The following CLIP1 variants were observed in gnomAD, a reference collection of about 807,000 sequenced individuals.
CLIP1 encodes the protein CAP-Gly domain-containing linker protein 1.
Under a neutral mutation model 161.6 loss-of-function variants are expected in CLIP1, and 66 were observed. The observed-to-expected ratio is 0.41, with a 90% CI of 0.33 to 0.50. The LOEUF (loss-of-function observed/expected upper bound fraction) is 0.50. Ranked by LOEUF, CLIP1 falls within the 20% of genes least tolerant of loss-of-function variation. The probability of loss-of-function intolerance (pLI) is 0.27; values close to 1 mark genes in which losing one functional copy is unlikely to be tolerated. For synonymous variants in CLIP1, 598 were observed against 626.2 expected (o/e 0.96, Z 0.67); for missense variants, 1,376 against 1,702.0 (o/e 0.81, Z 3.37).
intron 4 of CLIP1, among the ~76,000 whole-genome samples, chr12:122,363,605 G>A (rs1384752343): frequency 6.6e-6 from 1 of 152,014 alleles, no homozygotes; most frequent in Non-Finnish European, 1.5e-5. Context: ...GACACATTTT[G>A]CAGTTCTTTT....
chr12:122,300,844 G>A lies in CLIP1; in HGVS notation c.3594+8918C>T, dbSNP rs1950652961. On this transcript the variant is annotated intron_variant, in intron 20 of 25. Coordinates refer to ENST00000620786, the MANE Select transcript of CLIP1 (RefSeq NM_001247997.2). ...TCCTTTTTCTTTTTACCTTGCAAAT[G>A]TTTTACACTTGCATTCACCAAATGA... Among the ~76,000 whole-genome samples the A allele has an allele frequency of 2.0e-5, 3 of 151,882 alleles. 1 individual carries two copies. Among genetic ancestry groups the A allele is most frequent in the Admixed American group, 2.0e-4 (3 of 15,240 alleles).
intron 12 of CLIP1, among the ~76,000 whole-genome samples, chr12:122,336,167 AGATTT>A (rs1212755491): frequency 2.6e-5 from 4 of 152,226 alleles, no homozygotes; most frequent in African/African-American, 9.6e-5. Context: ...AAACTGAGTT[AGATTT>A]ATTTTAATTT....
In CLIP1 at chr12:122,334,685, A is replaced by G. The variant is rs1395925800; in HGVS notation, c.2589T>C (p.Ala863=). 1.9e-6 allele frequency: 3 copies of G among 1,584,728 alleles called. No individual in the cohort carries two copies. The highest frequency in any genetic ancestry group is 1.8e-5 in the Admixed American group (1 of 56,536). ...LQILKEKFAE[A]SEEAVSVQRS... ...TCTGAACAGAGACTGCCTCCTCTGA[A>G]GCTTCAGCAAACTTTTCTTTCTAAA... Residue 863 remains alanine, a synonymous_variant, in exon 13 of 26, where the codon GCT becomes GCC. Transcript: ENST00000620786.
chr12:122,316,922 T>A, intron 18 of CLIP1, 67 bp from the exon 19 acceptor site: 1 of 981,916 alleles, frequency 1.0e-6, no homozygotes, highest in Non-Finnish European at 1.5e-6. Context: ...ATGAACAAAT[T>A]ATTCATGAAA....
chr12:122,347,538 G>T, intron 9 of CLIP1, 59 bp from the exon 10 acceptor site: 1 of 1,306,858 alleles, frequency 7.7e-7, no homozygotes, highest in South Asian at 1.2e-5. Context: ...ATGCCAGCAC[G>T]AGAGGAGAGA....
chr12:122,364,886 G>A, intron 3 of CLIP1: 2 of 626,210 alleles, frequency 3.2e-6, no homozygotes, highest in Admixed American at 1.9e-5. Flanking sequence ...AAATCTATAA[G>A]AAAGGTGATA....
intron 1 of CLIP1, chr12:122,395,995 T>C (rs1446531985): frequency 6.6e-6 from 1 of 151,832 alleles, no homozygotes; most frequent in African/African-American, 2.4e-5. Flanking sequence ...TAGTCCCAGC[T>C]ACTTGGGAGA....
At chr12:122,290,886 AGTTTTTT>A (rs1950222746) in intron 20 of CLIP1, among the ~76,000 whole-genome samples, 1 of 143,674 alleles carries the variant, frequency 7.0e-6, no homozygotes, top group South Asian at 2.2e-4. Context: ...TATTTTTTTT[AGTTTTTT>A]AAGTTTTTTT....
At chr12:122,408,431 C>T (rs1028630249) in intron 1 of CLIP1, among the ~76,000 whole-genome samples, 1 of 152,016 alleles carries the variant, frequency 6.6e-6, no homozygotes, top group Non-Finnish European at 1.5e-5. Flanking sequence ...TCACTGCAAC[C>T]TCTACCTCCC....
At chr12:122,368,773 A>T (rs1009339216) in intron 3 of CLIP1, among the ~76,000 whole-genome samples, 1 of 152,016 alleles carries the variant, frequency 6.6e-6, no homozygotes, top group African/African-American at 2.4e-5. Context: ...TCTACTAAAA[A>T]TACAAAAATT....
intron 1 of CLIP1, among the ~76,000 whole-genome samples, chr12:122,415,192 T>C (rs1956696183): frequency 6.6e-6 from 1 of 152,092 alleles, no homozygotes; most frequent in South Asian, 2.1e-4. Flanking sequence ...CAATTAAGAT[T>C]GAAAAGTGGC....
At chr12:122,420,907 C>G (rs549088593) in intron 1 of CLIP1, among the ~76,000 whole-genome samples, 28 of 151,588 alleles carry the variant, frequency 1.8e-4, no homozygotes, top group Non-Finnish European at 3.2e-4. Flanking sequence ...TGCACTCTGG[C>G]CGGGGGGACA....
intron 1 of CLIP1, among the ~76,000 whole-genome samples, chr12:122,386,661 TTG>T (rs1475014248): frequency 3.9e-5 from 6 of 152,118 alleles, no homozygotes; most frequent in African/African-American, 1.4e-4. Flanking sequence ...ATCTCTCAAT[TTG>T]TGTGATTCAA....
chr12:122,389,500 T>C (rs955535051), intron 1 of CLIP1, among the ~76,000 whole-genome samples: 1 of 152,130 alleles, frequency 6.6e-6, no homozygotes, highest in African/African-American at 2.4e-5. Flanking sequence ...GGCTCACGCC[T>C]GTAATCCCAG....
intron 2 of CLIP1, among the ~76,000 whole-genome samples, chr12:122,379,701 T>C (rs2136820777): frequency 6.6e-6 from 1 of 152,064 alleles, no homozygotes; most frequent in Non-Finnish European, 1.5e-5. Context: ...TCCAGCACTT[T>C]GGGAGGCTGT....
chr12:122,413,711 G>C (rs570862331), intron 1 of CLIP1, among the ~76,000 whole-genome samples: 3 of 152,146 alleles, frequency 2.0e-5, no homozygotes, highest in African/African-American at 7.2e-5. Context: ...TTCCCAATAG[G>C]GATTCTGTAA....
intron 1 of CLIP1, chr12:122,400,308 A>AT (rs1450605786): frequency 6.6e-6 from 1 of 152,214 alleles, no homozygotes; most frequent in East Asian, 1.9e-4. Context: ...GTAAAACAAA[A>AT]AAGTCAACTA....
intron 1 of CLIP1, among the ~76,000 whole-genome samples, chr12:122,389,798 G>T (rs1455195908): frequency 2.5e-5 from 3 of 119,320 alleles, no homozygotes; most frequent in African/African-American, 9.0e-5. Context: ...TTATAATGTA[G>T]TTGGGGAGAG....
intron 9 of CLIP1, among the ~76,000 whole-genome samples, chr12:122,350,198 C>G (rs771747557): frequency 6.6e-6 from 1 of 152,146 alleles, no homozygotes; most frequent in Non-Finnish European, 1.5e-5. Flanking sequence ...AGCCACAGTG[C>G]CTGGCCAAAA....
Sources: allele counts gnomAD v4.1 joint callset (sites outside exome capture counted in the v4.1 genomes callset), GRCh38; gene constraint gnomAD v4.1.1; transcripts MANE v1.5; gene names NCBI Gene and HGNC (gene_info 2026-07-23, HGNC 2026-07-21).